The following ZRANB2 variants were observed in gnomAD, a reference collection of about 807,000 sequenced individuals.
The protein encoded by ZRANB2 is zinc finger RANBP2-type containing 2.
In ZRANB2, 19 loss-of-function variants were observed where a neutral mutation model predicts 53.4. That is an observed-to-expected ratio of 0.36 (90% CI 0.25 to 0.52). The LOEUF is 0.52. ZRANB2 is among the 20% of genes least tolerant of loss of function. The probability of loss-of-function intolerance (pLI) is 0.93; values close to 1 mark genes in which losing one functional copy is unlikely to be tolerated. For synonymous variants in ZRANB2, 145 were observed against 134.8 expected (o/e 1.08, Z -0.52); for missense variants, 309 against 401.1 (o/e 0.77, Z 1.96).
intron 9 of ZRANB2, chr1:71,066,025 A>C (rs1573048828): frequency 3.7e-6 from 1 of 268,814 alleles, no homozygotes; most frequent in East Asian, 7.1e-5. Flanking sequence ...CCAGCAATTA[A>C]TAGACTTTAC....
rs1479809873 is a variant in ZRANB2 at position 71,076,992 on chromosome 1, TTTA to T, written c.219-118_219-116del. ...GGATGAAACCACTGTCAAAGAAATG[TTTA>T]TTAAGTGGTAATGTAAACAAAGAAA... On this transcript the variant is annotated intron_variant, in intron 3 of 9. Transcript: ENST00000370920. 7.8e-6 allele frequency: 6 copies of T among 771,518 alleles called. No homozygotes were observed. In the East Asian group the frequency reaches 8.2e-5, roughly 11 times the overall value. The allele number at this position is 771,518 out of a possible 1,614,324, so 47.8% of individuals were successfully genotyped here.
chr1:71,065,115 A>G lies in ZRANB2; in HGVS notation c.952T>C (p.Ser318Pro). Residue 318 changes from serine (S) to proline (P), a missense_variant, in exon 10 of 10, where the codon TCA (serine) becomes CCA (proline). Physicochemically the swap from Ser to Pro is moderately conservative, Grantham distance 74. Transcript: ENST00000370920. ...PERRHRSSSG[S>P]SHSGSRSSSK... ...CTTGAACGGGAACCAGAATGGGATG[A>G]TCCAGATGATGACCTGTGGCGTCTG... 6.2e-7 allele frequency: 1 copy of G among 1,611,768 alleles called. No homozygotes were observed. The highest frequency in any genetic ancestry group is 1.1e-5 in the South Asian group (1 of 90,868).
chr1:71,065,980 C>T, intron 9 of ZRANB2: 1 of 459,384 alleles, frequency 2.2e-6, no homozygotes, highest in South Asian at 3.3e-5. Flanking sequence ...TCATTCTGTA[C>T]AAGTAGGAAT....
At chr1:71,077,744 T>C (rs1044394755) in intron 3 of ZRANB2, among the ~76,000 whole-genome samples, 3 of 152,148 alleles carry the variant, frequency 2.0e-5, no homozygotes, top group African/African-American at 7.2e-5. Flanking sequence ...TGGTCCCAGT[T>C]ACTAAGGAGG....
chr1:71,079,508 G>A (rs948228703), intron 1 of ZRANB2, among the ~76,000 whole-genome samples: 8 of 152,006 alleles, frequency 5.3e-5, no homozygotes, highest in Admixed American at 5.2e-4. Flanking sequence ...CAATACAGAT[G>A]TGAAGTATGG....
chr1:71,078,435 G>T, intron 3 of ZRANB2, 22 bp downstream of exon 3: 1 of 1,591,864 alleles, frequency 6.3e-7, no homozygotes, highest in South Asian at 1.1e-5. Flanking sequence ...AGAAAGAGCA[G>T]ACAATAATTT....
chr1:71,080,507 T>TATAG (rs1220153745), intron 1 of ZRANB2, among the ~76,000 whole-genome samples: 1 of 152,090 alleles, frequency 6.6e-6, no homozygotes, highest in East Asian at 1.9e-4. Flanking sequence ...AGGTGAACTA[T>TATAG]AAGAGGCAAA....
chr1:71,078,601 G>A, intron 2 of ZRANB2, 36 bp from the exon 3 acceptor site: 1 of 1,610,488 alleles, frequency 6.2e-7, no homozygotes. Context: ...TGAACCTGGA[G>A]AAATAAATAA....
intron 5 of ZRANB2, 56 bp downstream of exon 5, chr1:71,072,413 TAAG>T (rs1298809144): frequency 6.6e-7 from 1 of 1,526,168 alleles, no homozygotes; most frequent in Non-Finnish European, 8.9e-7. Context: ...CCTTTGCATT[TAAG>T]AATTTTTTCT....
intron 1 of ZRANB2, 23 bp downstream of exon 1, chr1:71,080,917 T>C (rs377057764): frequency 3.1e-6 from 5 of 1,613,948 alleles, no homozygotes; most frequent in Non-Finnish European, 4.2e-6. Flanking sequence ...TCCGTCCCAA[T>C]TCAGGACCCT....
intron 1 of ZRANB2, among the ~76,000 whole-genome samples, chr1:71,080,734 G>A (rs1422553427): frequency 6.6e-6 from 1 of 152,118 alleles, no homozygotes; most frequent in Non-Finnish European, 1.5e-5. Flanking sequence ...TCGAGGAAAC[G>A]CTGAAGACAT....
intron 3 of ZRANB2, 25 bp from the exon 4 acceptor site, chr1:71,076,902 T>C (rs1661721652): frequency 1.3e-6 from 2 of 1,534,852 alleles, no homozygotes; most frequent in African/African-American, 1.4e-5. Context: ...AATACTAAAT[T>C]AGTAGGCTAT....
intron 1 of ZRANB2, among the ~76,000 whole-genome samples, chr1:71,080,227 A>G (rs1661807381): frequency 6.7e-6 from 1 of 149,652 alleles, no homozygotes; most frequent in African/African-American, 2.5e-5. Flanking sequence ...AAATCTGATT[A>G]ACTATCTAGT....
intron 4 of ZRANB2, among the ~76,000 whole-genome samples, chr1:71,074,248 T>A (rs1050566323): frequency 6.6e-6 from 1 of 152,118 alleles, no homozygotes; most frequent in South Asian, 2.1e-4. Flanking sequence ...CTTCAAGGAA[T>A]GAATACAGAA....
At chr1:71,067,464 A>C (rs1389556431) in intron 8 of ZRANB2, 3 of 286,410 alleles carry the variant, frequency 1.0e-5, no homozygotes, top group Non-Finnish European at 2.1e-5. Context: ...AAGAAGAAAT[A>C]AAAACTAACT....
At chr1:71,080,874 C>T (rs1019952193) in intron 1 of ZRANB2, 66 bp downstream of exon 1, 1 of 1,574,458 alleles carries the variant, frequency 6.4e-7, no homozygotes, top group South Asian at 1.1e-5. Flanking sequence ...AGGAAAATGC[C>T]GGACGGACCT....
chr1:71,079,029 AACTCC>A (rs1416436496), intron 1 of ZRANB2, among the ~76,000 whole-genome samples: 1 of 152,190 alleles, frequency 6.6e-6, no homozygotes, highest in Non-Finnish European at 1.5e-5. Flanking sequence ...AGTGAGAGTT[AACTCC>A]ACTTCACTAA....
In ZRANB2 at chr1:71,073,063, T is replaced by C. The variant is rs145029713; in HGVS notation, c.302-515A>G. ...ACAATAACACAATAAAGGCCATCCT[T>C]TGGCCCTGGTTTAATTGGTTTTAAC... On this transcript the variant is annotated intron_variant, in intron 4 of 9. Transcript: ENST00000370920. Among the ~76,000 whole-genome samples, 471 of 152,234 alleles carry C rather than the reference T, an allele frequency of 3.1e-3. 6 individuals are homozygous for C. Among genetic ancestry groups the C allele is most frequent in the African/African-American group, 0.011 (449 of 41,572 alleles).
At chr1:71,077,609 T>C (rs754222983) in intron 3 of ZRANB2, among the ~76,000 whole-genome samples, 22 of 152,148 alleles carry the variant, frequency 1.4e-4, no homozygotes, top group Non-Finnish European at 2.5e-4. Flanking sequence ...ATCCCAGCAC[T>C]TTGGGAGGCC....
Sources: gnomAD v4.1 joint callset for allele counts (sites outside exome capture counted in the v4.1 genomes callset) on GRCh38, gnomAD v4.1.1 for gene constraint, MANE v1.5 for transcripts, NCBI Gene and HGNC (gene_info 2026-07-23, HGNC 2026-07-21) for gene names.